C2orf78: variants seen among roughly 807,000 people sequenced by gnomAD.
C2orf78 encodes uncharacterized protein C2orf78.
A neutral mutation model predicts 21.4 loss-of-function variants in C2orf78; 12 were observed. That is an observed-to-expected ratio of 0.56 (90% CI 0.36 to 0.91). C2orf78 has a LOEUF of 0.91. Among genes scored for constraint, C2orf78 ranks in the 40% least tolerant of loss-of-function variants. C2orf78 has a pLI of 0.01. For missense variants in C2orf78, 1,042 were observed against 1,092.4 expected, an observed-to-expected ratio of 0.95 and a Z score of 0.65; for synonymous variants, 396 against 413.9, an observed-to-expected ratio of 0.96 and a Z score of 0.52.
At chr2:73,785,651 C>T (rs2103966964) in intron 1 of C2orf78, among the ~76,000 whole-genome samples, 1 of 152,170 alleles carries the variant, frequency 6.6e-6, no homozygotes, top group Admixed American at 6.5e-5. Context: ...TTACATATCC[C>T]TAGGAAAAGC....
At chr2:73,809,696 G>A (rs1270887187) in intron 1 of C2orf78, among the ~76,000 whole-genome samples, 3 of 152,150 alleles carry the variant, frequency 2.0e-5, no homozygotes, top group East Asian at 1.9e-4. Context: ...AGGATCAGAC[G>A]CTGCTTGAGC....
chr2:73,808,864 A>G (rs576833626), intron 1 of C2orf78: 3 of 1,284,868 alleles, frequency 2.3e-6, no homozygotes, highest in African/African-American at 3.0e-5. Context: ...CTTCCCTTCT[A>G]TCTGCAGTTG....
chr2:73,815,303 G>A lies in C2orf78; in HGVS notation c.1080G>A (p.Glu360=), dbSNP rs149492733. Reference sequence around the variant, plus strand: ...CAAGCCAGGAAAAAAATGAGAATGAGAATTTGGATGAGATTAAAACCAACC... The same window carrying A: ...CAAGCCAGGAAAAAAATGAGAATGAAAATTTGGATGAGATTAAAACCAACC... Residue 360 remains glutamate (E), a synonymous_variant, in exon 3 of 3, where the codon GAG becomes GAA. Transcript: ENST00000409561. The A allele has an allele frequency of 8.7e-6, 14 of 1,613,762 alleles. No homozygotes were observed. The African/African-American group carries it at 1.2e-4, about 14-fold the overall frequency.
At chr2:73,810,170 GT>G (rs112766225) in intron 1 of C2orf78, among the ~76,000 whole-genome samples, 1 of 151,824 alleles carries the variant, frequency 6.6e-6, no homozygotes, top group Non-Finnish European at 1.5e-5. Flanking sequence ...ATATTCAGTT[GT>G]TTTTTTTCTG....
In C2orf78 at chr2:73,812,773, C is replaced by T. The variant is rs538133039; in HGVS notation, c.98-704C>T. ...CATTTCTATCAGGTAGTTATTTTGA[C>T]TAATGATAAAAAGCCAGGCTTGAAG... is the stretch of plus-strand genomic sequence containing the variant. On this transcript the variant is annotated intron_variant, in intron 1 of 2. Coordinates refer to ENST00000409561, the Ensembl canonical transcript of C2orf78. Among the ~76,000 whole-genome samples, 5 of 152,230 alleles carry T rather than the reference C, an allele frequency of 3.3e-5. No individual in the cohort carries two copies. The East Asian group carries it at 9.6e-4, about 29-fold the overall frequency.
intron 1 of C2orf78, among the ~76,000 whole-genome samples, chr2:73,811,018 C>T (rs1673079303): frequency 6.7e-6 from 1 of 148,808 alleles, no homozygotes; most frequent in Non-Finnish European, 1.5e-5. Flanking sequence ...AGGCCGAGCT[C>T]GGTGGCTCAC....
exon 3 of C2orf78, chr2:73,815,405 T>C (rs1430685164): frequency 1.2e-6 from 2 of 1,613,820 alleles, no homozygotes; most frequent in East Asian, 2.2e-5. Flanking sequence ...AAATCCCCGA[T>C]ATTCACCCGC....
chr2:73,785,800 A>C (rs1436855335), intron 1 of C2orf78, among the ~76,000 whole-genome samples: 1 of 152,028 alleles, frequency 6.6e-6, no homozygotes, highest in Non-Finnish European at 1.5e-5. Flanking sequence ...TAATCCCAGC[A>C]CTTTGGGAGG....
chr2:73,816,031 C>A lies in C2orf78; in HGVS notation c.1808C>A (p.Pro603His), dbSNP rs776847954. Residue 603 changes from proline (P) to histidine (H), a missense_variant, in exon 3 of 3, where the codon CCC becomes CAC. Physicochemically the swap from Pro to His is moderately conservative, Grantham distance 77. Around this residue, in one of 2 missense-constraint regions of C2orf78, gnomAD observed 1,039 missense variants for 1,069.7 expected, o/e 0.97. Coordinates refer to ENST00000409561, the Ensembl canonical transcript of C2orf78. ...AAGGTAGAAGAGAAGCAAACCATTC[C>A]CAATATGAAACGGAAGAAAAATCAA... 4 of 1,613,750 alleles carry A rather than the reference C, an allele frequency of 2.5e-6. No individual in the cohort carries two copies. In the African/African-American group the frequency reaches 4.0e-5, roughly 16 times the overall value.
chr2:73,806,971 G>A (rs1672971169), intron 1 of C2orf78, among the ~76,000 whole-genome samples: 1 of 139,704 alleles, frequency 7.2e-6, no homozygotes, highest in Non-Finnish European at 1.5e-5. Context: ...CAGATCCCAA[G>A]GTCAGGAGAC....
intron 1 of C2orf78, among the ~76,000 whole-genome samples, chr2:73,808,056 C>T (rs1672993950): frequency 6.6e-6 from 1 of 151,012 alleles, no homozygotes; most frequent in African/African-American, 2.5e-5. Flanking sequence ...GTGATCGAAC[C>T]ATCCTGGCTA....
chr2:73,816,031 C>T, exon 3 of C2orf78: 1 of 1,613,868 alleles, frequency 6.2e-7, no homozygotes, highest in African/African-American at 1.3e-5. Flanking sequence ...CAAACCATTC[C>T]CAATATGAAA....
At chr2:73,808,895 A>G (rs1332579488) in intron 1 of C2orf78, 8 of 1,092,520 alleles carry the variant, frequency 7.3e-6, no homozygotes, top group South Asian at 4.2e-5. Flanking sequence ...TTCTCTGACC[A>G]TGTCAGGTAA....
In C2orf78 at chr2:73,810,850, ATAT is replaced by A. The variant is rs1206507016; in HGVS notation, c.98-2623_98-2621del. ...CATGTATGTTATATATATTACATGT[ATAT>A]TATATATAATATACATATAAATTTT... On this transcript the variant is annotated intron_variant, in intron 1 of 2. Coordinates refer to ENST00000409561, the Ensembl canonical transcript of C2orf78. 6.4e-4 allele frequency among the ~76,000 whole-genome samples: 87 copies of A among 136,556 alleles called. 3 individuals are homozygous for A. The highest frequency in any genetic ancestry group is 2.4e-3 in the African/African-American group (86 of 36,008). The allele number at this position is 136,556 out of a possible 152,430, so 89.6% of individuals were successfully genotyped here.
At chr2:73,815,962 G>C (rs1328474354) in exon 3 of C2orf78, 21 of 1,613,744 alleles carry the variant, frequency 1.3e-5, no homozygotes, top group Non-Finnish European at 1.7e-5. Context: ...AGAAAGAACA[G>C]CTCCAAGAAA....
At chr2:73,807,082 AAGGCACGAGAATGGTGTGAACCTGGG>A (rs1381401126) in intron 1 of C2orf78, among the ~76,000 whole-genome samples, 3 of 143,976 alleles carry the variant, frequency 2.1e-5, no homozygotes, top group Non-Finnish European at 4.5e-5. Context: ...TCGGGAGACT[AAGGCACGAGAATGGTGTGAACCTGGG>A]AGGCAGAGCT....
intron 1 of C2orf78, among the ~76,000 whole-genome samples, chr2:73,807,925 A>G (rs1353506880): frequency 6.6e-6 from 1 of 150,908 alleles, no homozygotes; most frequent in Admixed American, 6.6e-5. Context: ...TTCAAGTTAC[A>G]AAAGAGGGTT....
intron 1 of C2orf78, among the ~76,000 whole-genome samples, chr2:73,786,151 A>T (rs1166896599): frequency 5.3e-5 from 8 of 151,906 alleles, no homozygotes. Flanking sequence ...AGGCTGACGC[A>T]GGCGGATTGC....
At chr2:73,813,494 T>C (rs1673128622) in exon 2 of C2orf78, 1 of 1,604,898 alleles carries the variant, frequency 6.2e-7, no homozygotes, top group Non-Finnish European at 8.5e-7. Context: ...CCAAAATACG[T>C]CTTTACCTGG....
Sources: allele counts gnomAD v4.1 joint callset (sites outside exome capture counted in the v4.1 genomes callset), GRCh38; gene constraint gnomAD v4.1.1; regional missense constraint gnomAD v4.1.1; transcripts MANE v1.5; gene names NCBI Gene and HGNC (gene_info 2026-07-23, HGNC 2026-07-21).